The following CAMKK2 variants were observed in gnomAD, a reference collection of about 807,000 sequenced individuals.
CAMKK2 encodes the protein calcium/calmodulin-dependent protein kinase kinase 2.
CAMKK2 carries 30 observed loss-of-function variants against 67.2 expected under a neutral mutation model. The ratio of observed to expected loss-of-function variants is 0.45; its 90% CI spans 0.33 to 0.61. The LOEUF (loss-of-function observed/expected upper bound fraction) is 0.61. Ranked by LOEUF, CAMKK2 falls within the 20% of genes least tolerant of loss-of-function variation. The probability of loss-of-function intolerance (pLI) is 0.02; values close to 1 mark genes in which losing one functional copy is unlikely to be tolerated. For synonymous variants in CAMKK2, 322 were observed against 326.2 expected, an observed-to-expected ratio of 0.99 and a Z score of 0.14; for missense variants, 643 against 802.0, an observed-to-expected ratio of 0.80 and a Z score of 2.39.
In CAMKK2 at chr12:121,269,537, A is replaced by G; in HGVS notation, c.564T>C (p.Asn188=). The stretch of plus-strand genomic sequence containing the variant: ...GAATGCGGATACTCACATAGTAGGT[A>G]TTGTCATTTTCATTGTAGGCCAACT... ...VVKLAYNEND[N]TYYAMKVLSK... is the part of the protein sequence containing the mutation. The change falls in exon 4 of 17, where the codon AAT becomes AAC. Residue 188 remains asparagine, a synonymous_variant. Transcript: ENST00000404169. The G allele has an allele frequency of 6.2e-7, 1 of 1,605,010 alleles. No homozygotes were observed. The highest frequency in any genetic ancestry group is 8.5e-7 in the Non-Finnish European group (1 of 1,174,540).
At chr12:121,244,221 C>A in intron 16 of CAMKK2, 4 of 1,405,782 alleles carry the variant, frequency 2.8e-6, no homozygotes, top group Non-Finnish European at 3.9e-6. Flanking sequence ...GCTGACCATG[C>A]GGACTCGGGG....
chr12:121,242,234 C>G (rs1888509824), intron 16 of CAMKK2, among the ~76,000 whole-genome samples: 1 of 151,902 alleles, frequency 6.6e-6, no homozygotes, highest in African/African-American at 2.4e-5. Context: ...ACTCAGGAAG[C>G]TGAGGCAGGA....
In CAMKK2 at chr12:121,285,047, T is replaced by C. The variant is rs1051085724; in HGVS notation, c.-59-10462A>G. On this transcript the variant is annotated intron_variant, in intron 1 of 16. Transcript: ENST00000404169. This position sits in a 1 kb window ranked among gnomAD's most constrained non-coding sequence, Gnocchi z 4.1. ...CTTTAGCTGGCCTAGAGTTGAAGTT[T>C]CTTTAGTCTGATAACAGCAGCCCAA... 2.0e-5 allele frequency among the ~76,000 whole-genome samples: 3 copies of C among 152,232 alleles called. No homozygotes were observed. Among genetic ancestry groups the C allele is most frequent in the African/African-American group, 7.2e-5 (3 of 41,460 alleles).
Position 121,255,634 on chromosome 12 carries a change from C to T in CAMKK2, c.823G>A (p.Val275Met), listed in dbSNP as rs1354124033. 11 of 1,612,414 alleles carry T rather than the reference C, an allele frequency of 6.8e-6. No homozygotes were observed. Among genetic ancestry groups the T allele is most frequent in the East Asian group, 2.2e-5 (1 of 44,830 alleles). ...GGTTTGAGGGTGGGCACTTCCATCA[C>T]GGGCCTGAAAGGTCGACACTCATGT... Reference protein sequence around the residue: ...MVFELVNQGPVMEVPTLKPLS... With the variant: ...MVFELVNQGPMMEVPTLKPLS... The change falls in exon 9 of 17, where the codon GTG (valine) becomes ATG (methionine). Residue 275 changes from valine to methionine, a missense_variant. Physicochemically the swap from Val to Met is conservative, Grantham distance 21 (BLOSUM62 1). This residue lies in a region of CAMKK2 where 483 missense variants were observed against 625.8 expected (regional missense o/e 0.77). Transcript: ENST00000404169.
intron 5 of CAMKK2, 120 bp downstream of exon 5, chr12:121,268,518 C>T: frequency 1.0e-6 from 1 of 964,008 alleles, no homozygotes. Context: ...CCTCAGCCTC[C>T]CAAGTAGCTG....
rs1462791558 is a variant in CAMKK2, at chr12:121,274,352, C to T, written c.175G>A (p.Glu59Lys). ...CCGAGGTCCACAGCACAGCCCGGCT[C>T]ACACTCGGTGACCACAATGAAGGAC... The part of the protein sequence containing the change: ...MESFIVVTEC[E>K]PGCAVDLGLA... Residue 59 changes from glutamate to lysine, a missense_variant, in exon 2 of 17, where the codon GAG becomes AAG. Glu to Lys is a moderately conservative substitution (Grantham distance 56). This residue lies in a region of CAMKK2 where 483 missense variants were observed against 625.8 expected (regional missense o/e 0.77). Transcript: ENST00000404169. The T allele has an allele frequency of 1.2e-6, 2 of 1,613,520 alleles. No individual in the cohort carries two copies. The highest frequency in any genetic ancestry group is 1.1e-5 in the South Asian group (1 of 91,088).
chr12:121,275,489 CAAAAAAA>C (rs10669562), intron 1 of CAMKK2, among the ~76,000 whole-genome samples: 1 of 63,986 alleles, frequency 1.6e-5, no homozygotes, highest in South Asian at 5.5e-4. Context: ...AAGACTGTCT[CAAAAAAA>C]AAAAAAAAAA....
chr12:121,271,007 C>A, intron 2 of CAMKK2, 62 bp from the exon 3 acceptor site: 1 of 1,362,580 alleles, frequency 7.3e-7, no homozygotes, highest in Non-Finnish European at 1.1e-6. Context: ...AGGCCAGGCA[C>A]GGTGGCTCAC....
chr12:121,286,184 C>T (rs11609701), intron 1 of CAMKK2, among the ~76,000 whole-genome samples: 9,402 of 152,292 alleles, frequency 0.062, 372 homozygotes, highest in Middle Eastern at 0.16. Flanking sequence ...ACAGAGCTGA[C>T]TGACAGGGAA....
chr12:121,274,085 A>G lies in CAMKK2; in HGVS notation c.442T>C (p.Ser148Pro). 6.6e-7 allele frequency: 1 copy of G among 1,522,672 alleles called. No homozygotes were observed. The allele number at this position is 1,522,672 out of a possible 1,614,324, so 94.3% of individuals were successfully genotyped here. A position where few individuals can be genotyped will look rare whatever the true frequency, so the allele number is the denominator to read the frequency against. ...ATACCCGTGATGGAGACGTGGTGAG[A>G]CTCCACTGTCGGCCGCCGGGGCAGC... ...PRLPRRPTVE[S>P]HHVSITGMQD... The change falls in exon 2 of 17, where the codon TCT (serine) becomes CCT (proline). Residue 148 changes from serine to proline, a missense_variant. Physicochemically the swap from Ser to Pro is moderately conservative, Grantham distance 74 (BLOSUM62 -1). Coordinates refer to ENST00000404169, the MANE Select transcript of CAMKK2 (RefSeq NM_001270485.2).
At chr12:121,270,368 T>TAA (rs3999199) in intron 3 of CAMKK2, among the ~76,000 whole-genome samples, 5,841 of 125,214 alleles carry the variant, frequency 0.047, 411 homozygotes, top group African/African-American at 0.16. Context: ...ACACCCTGTC[T>TAA]AAAAAAAAAA....
In CAMKK2 at chr12:121,274,528, G is replaced by T. The variant is rs1313429388; in HGVS notation, c.-2C>A. The T allele has an allele frequency of 1.9e-6, 3 of 1,604,570 alleles. No homozygotes were observed. The highest frequency in any genetic ancestry group is 1.7e-6 in the Non-Finnish European group (2 of 1,176,064). On this transcript the variant is annotated 5_prime_UTR_variant, in exon 2 of 17. Transcript: ENST00000404169. ...CTGGCTAGAGACACATGATGACATG[G>T]TGCATGCGCCAGCTTCATCCAGCAC...
intron 2 of CAMKK2, 85 bp from the exon 3 acceptor site, chr12:121,271,030 T>A: frequency 9.7e-7 from 1 of 1,030,302 alleles, no homozygotes; most frequent in South Asian, 1.3e-5. Flanking sequence ...CTACAAGCCC[T>A]TCAGGAGACC....
chr12:121,274,427 A>G lies in CAMKK2; in HGVS notation c.100T>C (p.Cys34Arg), dbSNP rs757803183. 15 of 1,613,090 alleles carry G rather than the reference A, an allele frequency of 9.3e-6. No homozygotes were observed. The highest frequency in any genetic ancestry group is 6.7e-5 in the Admixed American group (4 of 59,992). Reference sequence around the variant, plus strand: ...GATGAGAGGCCCCGCAGGGCCTCACAGGGCTTCTGGCTTTCGCTGCTGCTG... The same window carrying G: ...GATGAGAGGCCCCGCAGGGCCTCACGGGGCTTCTGGCTTTCGCTGCTGCTG... ...GSSSSESQKP[C>R]EALRGLSSLS... is the part of the protein sequence containing the mutation. Residue 34 changes from cysteine to arginine, a missense_variant, in exon 2 of 17, where the codon TGT becomes CGT. Cys to Arg is a radical substitution (Grantham distance 180). This residue lies in a region of CAMKK2 where 483 missense variants were observed against 625.8 expected (regional missense o/e 0.77). Coordinates refer to ENST00000404169, the MANE Select transcript of CAMKK2 (RefSeq NM_001270485.2).
chr12:121,277,251 TC>T (rs1362863838), intron 1 of CAMKK2, among the ~76,000 whole-genome samples: 2 of 151,416 alleles, frequency 1.3e-5, no homozygotes, highest in Non-Finnish European at 2.9e-5. Context: ...CGCCAAAGAG[TC>T]CAATCATGCG....
intron 9 of CAMKK2, among the ~76,000 whole-genome samples, 198 bp downstream of exon 9, chr12:121,255,352 A>AATTATATATAT: frequency 1.5e-5 from 1 of 68,266 alleles, no homozygotes; most frequent in Non-Finnish European, 2.7e-5. Flanking sequence ...TTATATATAT[A>AATTATATATAT]ATTATATATA....
In CAMKK2 at chr12:121,287,395, C is replaced by T. The variant is rs191347796; in HGVS notation, c.-60+9243G>A. 5.3e-5 allele frequency among the ~76,000 whole-genome samples: 8 copies of T among 152,238 alleles called. No homozygotes were observed. The South Asian group carries it at 6.2e-4, about 12-fold the overall frequency. On this transcript the variant is annotated intron_variant, in intron 1 of 16. Coordinates refer to ENST00000404169, the MANE Select transcript of CAMKK2 (RefSeq NM_001270485.2). The stretch of plus-strand genomic sequence containing the variant: ...ATTCTCACATGGCTTTTGCAATCAG[C>T]GCAACAGAGGCTGCAGATGGAGTCA...
At chr12:121,243,707 G>T in intron 16 of CAMKK2, 1 of 286,080 alleles carries the variant, frequency 3.5e-6, no homozygotes, top group Non-Finnish European at 5.8e-6. Flanking sequence ...TGTCTTCTTG[G>T]GCTGATGAAA....
rs746422333 is a variant in CAMKK2 at position 121,274,455 on chromosome 12, GC to G, written c.71del (p.Gly24AlafsTer20). ...AAPQDELGGR[G>X]SSSSESQKPC... is the part of the protein sequence containing the mutation. ...GCTTCTGGCTTTCGCTGCTGCTGCT[GC>G]CCCTGCCCCCCAGCTCATCCTGGGG... On this transcript the variant is annotated frameshift_variant, in exon 2 of 17. Coordinates refer to ENST00000404169, the MANE Select transcript of CAMKK2 (RefSeq NM_001270485.2). LOFTEE classifies it high-confidence loss of function. 4.3e-6 allele frequency: 7 copies of G among 1,612,880 alleles called. No homozygotes were observed. In the South Asian group the frequency reaches 6.6e-5, roughly 15 times the overall value.
Sources: allele counts gnomAD v4.1 joint callset (sites outside exome capture counted in the v4.1 genomes callset), GRCh38; gene constraint gnomAD v4.1.1; regional missense constraint gnomAD v4.1.1; non-coding constraint Gnocchi (gnomAD v3.1); transcripts MANE v1.5; gene names NCBI Gene and HGNC (gene_info 2026-07-23, HGNC 2026-07-21).